Variants in RTL4 observed in about 807,000 individuals in gnomAD.
The protein encoded by RTL4 is retrotransposon Gag-like protein 4.
A neutral mutation model predicts 5.3 loss-of-function variants in RTL4; 4 were observed. That is an observed-to-expected ratio of 0.75 (90% CI 0.37 to 1.72). The LOEUF is 1.72. Among genes scored for constraint, RTL4 ranks in the 40% most tolerant of loss-of-function variants. The probability of loss-of-function intolerance (pLI) is 0.04; values close to 1 mark genes in which losing one functional copy is unlikely to be tolerated. For synonymous variants in RTL4, 98 were observed against 87.3 expected (o/e 1.12, Z -0.68); for missense variants, 260 against 227.1 (o/e 1.14, Z -0.93).
the RTL4 span, among the ~76,000 whole-genome samples, chrX:112,328,447 A>G: frequency 8.9e-6 from 1 of 111,940 alleles, no homozygotes; most frequent in Non-Finnish European, 1.9e-5. Flanking sequence ...CAATTCAACA[A>G]GAAGAGCTAA....
chrX:112,432,325 G>A, the RTL4 span, among the ~76,000 whole-genome samples: 4 of 88,990 alleles, frequency 4.5e-5, no homozygotes, highest in Non-Finnish European at 9.1e-5. Flanking sequence ...CACAATGGTC[G>A]AACTAGTTTA....
chrX:112,456,425 G>A (rs923306432), exon 1 of RTL4: 24 of 306,856 alleles, frequency 7.8e-5, no homozygotes, highest in African/African-American at 6.0e-4. Flanking sequence ...TTTTAGCCAA[G>A]CCCACCAATT....
At chrX:112,400,316 T>G in the RTL4 span, among the ~76,000 whole-genome samples, 64 of 111,929 alleles carry the variant, frequency 5.7e-4, 1 homozygote, top group Admixed American at 3.9e-3. Context: ...TTATTGCTAT[T>G]TATTCAAGTT....
At chrX:112,144,881 G>A in the RTL4 span, among the ~76,000 whole-genome samples, 1 of 111,694 alleles carries the variant, frequency 9.0e-6, no homozygotes, top group Non-Finnish European at 1.9e-5. Flanking sequence ...TATTGCTAAA[G>A]GCCAATCTTG....
At chrX:112,109,140 T>C in the RTL4 span, among the ~76,000 whole-genome samples, 1 of 112,129 alleles carries the variant, frequency 8.9e-6, no homozygotes, top group Non-Finnish European at 1.9e-5. Flanking sequence ...CTCTCTTACC[T>C]GATTTCTTTA....
At chrX:112,137,311 T>G in the RTL4 span, among the ~76,000 whole-genome samples, 1 of 112,003 alleles carries the variant, frequency 8.9e-6, no homozygotes, top group African/African-American at 3.2e-5. Flanking sequence ...ATAATCACCT[T>G]ATACCAGTGA....
upstream of RTL4, among the ~76,000 whole-genome samples, chrX:112,451,292 G>A (rs1926730750): frequency 2.7e-5 from 3 of 111,353 alleles, no homozygotes; most frequent in Admixed American, 1.9e-4. Context: ...TTGAGCCCAG[G>A]AGTTCAAGAC....
At chrX:112,162,073 G>A in the RTL4 span, among the ~76,000 whole-genome samples, 1 of 109,825 alleles carries the variant, frequency 9.1e-6, no homozygotes, top group African/African-American at 3.3e-5. Context: ...ATTAAACACC[G>A]TTACATTTGC....
At chrX:112,387,936 G>A in the RTL4 span, among the ~76,000 whole-genome samples, 1 of 111,613 alleles carries the variant, frequency 9.0e-6, no homozygotes, top group East Asian at 2.8e-4. Context: ...CTTTAAAATA[G>A]GTTTTTTCTA....
chrX:112,287,835 A>G, the RTL4 span, among the ~76,000 whole-genome samples: 1 of 112,114 alleles, frequency 8.9e-6, no homozygotes, highest in Non-Finnish European at 1.9e-5. Flanking sequence ...AAAAGCTAAA[A>G]GACCACAATT....
the RTL4 span, among the ~76,000 whole-genome samples, chrX:112,390,644 G>A: frequency 9.1e-6 from 1 of 110,185 alleles, no homozygotes; most frequent in Non-Finnish European, 1.9e-5. Flanking sequence ...AACTTGTAGG[G>A]TTTCAGTTGA....
chrX:112,350,349 G>A, the RTL4 span, among the ~76,000 whole-genome samples: 2 of 108,246 alleles, frequency 1.8e-5, no homozygotes, highest in African/African-American at 6.7e-5. Flanking sequence ...TCTCTGCCAG[G>A]CTTTGGTATC....
chrX:112,204,721 A>T, the RTL4 span, among the ~76,000 whole-genome samples: 2 of 111,619 alleles, frequency 1.8e-5, no homozygotes, highest in Non-Finnish European at 3.8e-5. Context: ...AAAAATAGCC[A>T]GAAGAATGAA....
the RTL4 span, among the ~76,000 whole-genome samples, chrX:112,083,620 T>C: frequency 9.0e-6 from 1 of 111,647 alleles, no homozygotes; most frequent in African/African-American, 3.3e-5. Context: ...GAAAGTGATA[T>C]TGTAGGATGG....
chrX:112,303,500 T>A, the RTL4 span, among the ~76,000 whole-genome samples: 1 of 102,326 alleles, frequency 9.8e-6, no homozygotes, highest in Admixed American at 1.1e-4. Flanking sequence ...AGTAAACTAT[T>A]GCAAGGACAA....
the RTL4 span, among the ~76,000 whole-genome samples, chrX:112,184,777 T>C: frequency 8.9e-6 from 1 of 112,076 alleles, no homozygotes; most frequent in South Asian, 3.7e-4. Context: ...AGAAAAATGG[T>C]GTATAGCCTA....
At chrX:112,093,634 A>T in the RTL4 span, among the ~76,000 whole-genome samples, 1 of 112,275 alleles carries the variant, frequency 8.9e-6, no homozygotes, top group Non-Finnish European at 1.9e-5. Flanking sequence ...TGCAGAAGAT[A>T]AACAATAAAT....
chrX:112,403,505 C>T, the RTL4 span, among the ~76,000 whole-genome samples: 1 of 111,575 alleles, frequency 9.0e-6, no homozygotes, highest in South Asian at 3.8e-4. Flanking sequence ...CTTTGAGAAA[C>T]CCACTTAACC....
chrX:112,145,624 G>A, the RTL4 span, among the ~76,000 whole-genome samples: 13 of 111,999 alleles, frequency 1.2e-4, no homozygotes, highest in African/African-American at 4.2e-4. Context: ...GTGTGAGGAG[G>A]AGACATTAAA....
Sources: allele counts gnomAD v4.1 joint callset (sites outside exome capture counted in the v4.1 genomes callset), GRCh38; gene constraint gnomAD v4.1.1; transcripts MANE v1.5; gene names NCBI Gene and HGNC (gene_info 2026-07-23, HGNC 2026-07-21).